TBC1D22A: variants seen among roughly 807,000 people sequenced by gnomAD.
TBC1D22A encodes the protein TBC1 domain family member 22A.
TBC1D22A carries 38 observed loss-of-function variants against 60.2 expected under a neutral mutation model. That is an observed-to-expected ratio of 0.63 (90% CI 0.49 to 0.83). The LOEUF (loss-of-function observed/expected upper bound fraction) is 0.83. TBC1D22A is among the 40% of genes least tolerant of loss of function. The pLI is 0.00. For synonymous variants in TBC1D22A, 302 were observed against 281.7 expected (o/e 1.07, Z -0.72); for missense variants, 628 against 701.0 (o/e 0.90, Z 1.18).
chr22:46,827,129 C>T (rs1041134496), intron 4 of TBC1D22A, among the ~76,000 whole-genome samples: 3 of 152,198 alleles, frequency 2.0e-5, no homozygotes, highest in African/African-American at 7.2e-5. Flanking sequence ...TGCCACGATT[C>T]CTCAGCACTC....
chr22:47,128,665 G>A (rs1488494224), intron 12 of TBC1D22A, among the ~76,000 whole-genome samples: 4 of 152,098 alleles, frequency 2.6e-5, no homozygotes, highest in Non-Finnish European at 4.4e-5. Context: ...ATCCCTCTCT[G>A]TGATGGATAC....
At position 46,826,103 on chromosome 22, in the gene TBC1D22A, G is replaced by C. The variant is rs570881091; in HGVS notation, c.637+28483G>C. Among the ~76,000 whole-genome samples, 49 of 151,904 alleles carry C rather than the reference G, an allele frequency of 3.2e-4. No homozygotes were observed. In the South Asian group the frequency reaches 5.0e-3, roughly 15 times the overall value. On this transcript the variant is annotated intron_variant, in intron 4 of 12. Transcript: ENST00000337137. ...TCACCGTGTTAGCCATGATGGTCTC[G>C]ATCTCCTGACCTCGTGATCCGCCCA...
chr22:46,942,427 C>T (rs1207094297), intron 8 of TBC1D22A, among the ~76,000 whole-genome samples: 1 of 152,168 alleles, frequency 6.6e-6, no homozygotes, highest in East Asian at 1.9e-4. Flanking sequence ...GGTAATTAGA[C>T]ATGGCTACTC....
chr22:46,880,130 G>A (rs1330900233), intron 5 of TBC1D22A, among the ~76,000 whole-genome samples: 1 of 152,222 alleles, frequency 6.6e-6, no homozygotes, highest in Non-Finnish European at 1.5e-5. Context: ...CACTGGCGAC[G>A]CAGCCTTAGG....
chr22:47,171,017 G>A (rs1569482150), intron 12 of TBC1D22A, among the ~76,000 whole-genome samples: 1 of 152,184 alleles, frequency 6.6e-6, no homozygotes, highest in Non-Finnish European at 1.5e-5. Flanking sequence ...GGCAGCCTCC[G>A]GCACAGCCAG....
At chr22:47,160,483 A>G (rs570320520) in intron 12 of TBC1D22A, among the ~76,000 whole-genome samples, 3 of 152,262 alleles carry the variant, frequency 2.0e-5, no homozygotes, top group Admixed American at 2.0e-4. Flanking sequence ...TGCAGCCCCA[A>G]GCACAGGGCC....
intron 8 of TBC1D22A, among the ~76,000 whole-genome samples, chr22:46,967,837 C>T (rs2073878280): frequency 6.6e-6 from 1 of 151,670 alleles, no homozygotes; most frequent in South Asian, 2.2e-4. Context: ...TTCCAGTGCA[C>T]CCCCTGGTAA....
At chr22:46,883,703 C>G (rs1047538511) in intron 5 of TBC1D22A, among the ~76,000 whole-genome samples, 1 of 152,358 alleles carries the variant, frequency 6.6e-6, no homozygotes, top group East Asian at 1.9e-4. Context: ...TGCTGGCCCA[C>G]GCTGCCCTGT....
At chr22:46,849,475 C>T (rs2087171500) in intron 4 of TBC1D22A, among the ~76,000 whole-genome samples, 1 of 152,232 alleles carries the variant, frequency 6.6e-6, no homozygotes, top group Non-Finnish European at 1.5e-5. Flanking sequence ...GACTAAGACA[C>T]AGTCTCTGTC....
At chr22:46,866,284 A>G (rs2067050320) in intron 4 of TBC1D22A, among the ~76,000 whole-genome samples, 2 of 152,186 alleles carry the variant, frequency 1.3e-5, no homozygotes, top group African/African-American at 4.8e-5. Context: ...TTTGTATTTT[A>G]GTAGAGATGG....
chr22:46,960,668 G>A (rs136091), intron 8 of TBC1D22A, among the ~76,000 whole-genome samples: 25,342 of 152,086 alleles, frequency 0.17, 2,603 homozygotes, highest in East Asian at 0.27. Context: ...CAGGCCAGGC[G>A]CGGCGTGGTG....
At chr22:46,807,256 T>TGTGATGGTGATTGTGGGGGTGATG (rs147446873) in intron 4 of TBC1D22A, among the ~76,000 whole-genome samples, 40,123 of 151,298 alleles carry the variant, frequency 0.27, 5,623 homozygotes, top group South Asian at 0.42. Flanking sequence ...TAGTGTTGAT[T>TGTGATGGTGATTGTGGGGGTGATG]GTGATGGTGA....
chr22:46,796,409 C>T (rs554449616), intron 3 of TBC1D22A, among the ~76,000 whole-genome samples: 15 of 152,304 alleles, frequency 9.8e-5, no homozygotes, highest in South Asian at 2.1e-4. Flanking sequence ...CCTTGCTCAG[C>T]GGCTGCTGGA....
At chr22:47,005,821 C>A (rs1393434730) in intron 10 of TBC1D22A, among the ~76,000 whole-genome samples, 1 of 151,350 alleles carries the variant, frequency 6.6e-6, no homozygotes, top group Middle Eastern at 3.2e-3. Flanking sequence ...CATATACACA[C>A]CCCCCATACA....
At chr22:47,023,125 T>C (rs1325372720) in intron 10 of TBC1D22A, among the ~76,000 whole-genome samples, 1 of 152,202 alleles carries the variant, frequency 6.6e-6, no homozygotes, top group Non-Finnish European at 1.5e-5. Flanking sequence ...CTGTATTTCA[T>C]ATGTTAAAAA....
At chr22:46,891,137 C>A in intron 5 of TBC1D22A, 129 bp from the exon 6 acceptor site, 2 of 1,041,612 alleles carry the variant, frequency 1.9e-6, no homozygotes, top group Non-Finnish European at 2.6e-6. Context: ...ACAATTTGTG[C>A]TCCTCTCTGT....
chr22:47,088,395 C>A (rs1475506957), intron 11 of TBC1D22A, among the ~76,000 whole-genome samples: 1 of 152,146 alleles, frequency 6.6e-6, no homozygotes, highest in African/African-American at 2.4e-5. Flanking sequence ...AAGGGACCCT[C>A]TCTAGCCAAA....
At chr22:46,873,931 G>A (rs1231995082) in intron 4 of TBC1D22A, among the ~76,000 whole-genome samples, 1 of 152,078 alleles carries the variant, frequency 6.6e-6, no homozygotes, top group African/African-American at 2.4e-5. Context: ...TGAGTAGCTG[G>A]GATTACAGGT....
chr22:46,873,490 A>T (rs1408724471), intron 4 of TBC1D22A, among the ~76,000 whole-genome samples: 2 of 152,176 alleles, frequency 1.3e-5, no homozygotes, highest in Non-Finnish European at 2.9e-5. Flanking sequence ...CTTATGGCAG[A>T]TTTATTTTAA....
Sources: gnomAD v4.1 joint callset for allele counts (sites outside exome capture counted in the v4.1 genomes callset) on GRCh38, gnomAD v4.1.1 for gene constraint, MANE v1.5 for transcripts, NCBI Gene and HGNC (gene_info 2026-07-23, HGNC 2026-07-21) for gene names.